RPS6KC1: variants seen among roughly 807,000 people sequenced by gnomAD.
The protein encoded by RPS6KC1 is inactive ribosomal protein S6 kinase delta-1.
RPS6KC1 carries 54 observed loss-of-function variants against 103.8 expected under a neutral mutation model. That is an observed-to-expected ratio of 0.52 (90% CI 0.42 to 0.65). The LOEUF (loss-of-function observed/expected upper bound fraction) is 0.65. Among genes scored for constraint, RPS6KC1 ranks in the 30% least tolerant of loss-of-function variants. RPS6KC1 has a pLI of 0.00. For missense variants in RPS6KC1, 1,151 were observed against 1,253.8 expected, an observed-to-expected ratio of 0.92 and a Z score of 1.24; for synonymous variants, 439 against 438.7, an observed-to-expected ratio of 1.00 and a Z score of -0.01.
the RPS6KC1 span, chr1:213,429,065 G>C: frequency 1.3e-5 from 2 of 152,040 alleles, no homozygotes; most frequent in African/African-American, 4.8e-5. Context: ...TACCCTTTTT[G>C]TAGGAGCTAT....
the RPS6KC1 span, chr1:213,821,632 C>T: frequency 6.6e-6 from 1 of 152,228 alleles, no homozygotes; most frequent in African/African-American, 2.4e-5. Context: ...AACAGTGTAA[C>T]TAATCACTCT....
At chr1:213,271,954 CAT>C (rs1020422347) in intron 14 of RPS6KC1, among the ~76,000 whole-genome samples, 22 of 152,032 alleles carry the variant, frequency 1.4e-4, no homozygotes, top group Middle Eastern at 3.2e-3. Context: ...TTATTTTACA[CAT>C]GATTCCTATT....
intron 14 of RPS6KC1, among the ~76,000 whole-genome samples, chr1:213,270,580 A>G (rs1223777583): frequency 6.9e-6 from 1 of 145,938 alleles, no homozygotes. Context: ...GTTTGAGACT[A>G]GCCTTGACAA....
At chr1:213,430,028 A>C in the RPS6KC1 span, among the ~76,000 whole-genome samples, 1 of 152,186 alleles carries the variant, frequency 6.6e-6, no homozygotes, top group African/African-American at 2.4e-5. Flanking sequence ...ATCATGAAGG[A>C]AGGGTTGGCT....
chr1:213,626,466 A>G, the RPS6KC1 span, among the ~76,000 whole-genome samples: 1 of 152,028 alleles, frequency 6.6e-6, no homozygotes, highest in Admixed American at 6.5e-5. Flanking sequence ...TTTTGTTGTC[A>G]TTGCTTTTGG....
the RPS6KC1 span, among the ~76,000 whole-genome samples, chr1:213,571,706 C>A: frequency 6.6e-6 from 1 of 152,176 alleles, no homozygotes; most frequent in Non-Finnish European, 1.5e-5. Context: ...CGTCACACCA[C>A]AGTTCCTAGA....
chr1:213,523,341 A>G, the RPS6KC1 span, among the ~76,000 whole-genome samples: 1 of 152,250 alleles, frequency 6.6e-6, no homozygotes, highest in Admixed American at 6.5e-5. Context: ...ATAATGAAAA[A>G]AGTTTAAAAT....
the RPS6KC1 span, among the ~76,000 whole-genome samples, chr1:213,651,530 A>T: frequency 3.9e-4 from 59 of 152,188 alleles, 1 homozygote; most frequent in African/African-American, 1.4e-3. Flanking sequence ...GTCTATTCTG[A>T]TGGCTCAATA....
chr1:213,770,279 G>C, the RPS6KC1 span, among the ~76,000 whole-genome samples: 1 of 152,166 alleles, frequency 6.6e-6, no homozygotes, highest in Non-Finnish European at 1.5e-5. Flanking sequence ...GGTCCAGTGA[G>C]CATCTGGACC....
the RPS6KC1 span, among the ~76,000 whole-genome samples, chr1:213,537,636 T>A: frequency 3.9e-5 from 6 of 152,158 alleles, no homozygotes; most frequent in Admixed American, 1.3e-4. Context: ...AGTGAGCTTC[T>A]TTCCTCTTGA....
At chr1:213,593,925 G>C in the RPS6KC1 span, among the ~76,000 whole-genome samples, 4 of 152,234 alleles carry the variant, frequency 2.6e-5, no homozygotes, top group African/African-American at 9.6e-5. Context: ...GAGTGCAGTG[G>C]TGAGATCTTG....
the RPS6KC1 span, among the ~76,000 whole-genome samples, chr1:213,766,533 A>C: frequency 6.6e-6 from 1 of 152,186 alleles, no homozygotes; most frequent in Admixed American, 6.5e-5. Flanking sequence ...CTTGTGACAT[A>C]AGTTCCCACA....
In RPS6KC1 at chr1:213,071,037, A is replaced by G. The variant is rs775834541; in HGVS notation, c.137A>G (p.Gln46Arg). The G allele has an allele frequency of 2.0e-6, 3 of 1,537,434 alleles. No individual in the cohort carries two copies. The highest frequency in any genetic ancestry group is 2.4e-5 in the East Asian group (1 of 42,308). ...VVSRRNPEDV[Q>R]EIIVWKRYSD... is the part of the protein sequence containing the mutation. Reference sequence around the variant, plus strand: ...TCACGAAGAAATCCAGAGGATGTCCAGGAGGTAACATTTATATGAAGATTT... The same window carrying G: ...TCACGAAGAAATCCAGAGGATGTCCGGGAGGTAACATTTATATGAAGATTT... Residue 46 changes from glutamine (Q) to arginine (R), a missense_variant, in exon 2 of 15, where the codon CAG becomes CGG. Gln to Arg is a conservative substitution (Grantham distance 43). Coordinates refer to ENST00000366960, the MANE Select transcript of RPS6KC1 (RefSeq NM_012424.6).
intron 14 of RPS6KC1, among the ~76,000 whole-genome samples, chr1:213,265,264 A>T (rs1451570038): frequency 1.3e-5 from 2 of 152,232 alleles, no homozygotes; most frequent in Non-Finnish European, 2.9e-5. Context: ...GTCATAGTTA[A>T]AACAATTATA....
chr1:213,265,097 G>A (rs979432791), intron 14 of RPS6KC1, among the ~76,000 whole-genome samples: 4 of 152,182 alleles, frequency 2.6e-5, no homozygotes, highest in African/African-American at 9.7e-5. Context: ...GCTCAGCTCT[G>A]TTGCCTATTC....
chr1:213,482,348 T>A, the RPS6KC1 span, among the ~76,000 whole-genome samples: 9 of 152,096 alleles, frequency 5.9e-5, no homozygotes, highest in Non-Finnish European at 7.4e-5. Context: ...ATTTTTTAAT[T>A]CTCCTTTTGG....
At chr1:213,635,556 C>A in the RPS6KC1 span, among the ~76,000 whole-genome samples, 2 of 152,230 alleles carry the variant, frequency 1.3e-5, no homozygotes, top group African/African-American at 2.4e-5. Context: ...AGGCCTTTGT[C>A]AAAATTCAAC....
At chr1:213,672,502 T>A in the RPS6KC1 span, among the ~76,000 whole-genome samples, 1 of 152,222 alleles carries the variant, frequency 6.6e-6, no homozygotes, top group Non-Finnish European at 1.5e-5. Flanking sequence ...GCCATTCTAC[T>A]TCAGATGTTA....
At chr1:213,733,833 C>T in the RPS6KC1 span, among the ~76,000 whole-genome samples, 1 of 152,156 alleles carries the variant, frequency 6.6e-6, no homozygotes, top group Non-Finnish European at 1.5e-5. Flanking sequence ...TCGCTCTTGG[C>T]TTTCACTAAG....
Sources: allele counts gnomAD v4.1 joint callset (sites outside exome capture counted in the v4.1 genomes callset), GRCh38; gene constraint gnomAD v4.1.1; transcripts MANE v1.5; gene names NCBI Gene and HGNC (gene_info 2026-07-23, HGNC 2026-07-21).